The following KCNJ3 variants were observed in gnomAD, a reference collection of about 807,000 sequenced individuals.
KCNJ3 encodes the protein G protein-activated inward rectifier potassium channel 1.
A neutral mutation model predicts 39.2 loss-of-function variants in KCNJ3; 4 were observed. The ratio of observed to expected loss-of-function variants is 0.10; its 90% CI spans 0.05 to 0.23. KCNJ3 has a LOEUF of 0.23. Among genes scored for constraint, KCNJ3 ranks in the 10% least tolerant of loss-of-function variants. The pLI, the probability that KCNJ3 is intolerant of heterozygous loss-of-function variation, is 1.00. For synonymous variants in KCNJ3, 230 were observed against 237.4 expected, an observed-to-expected ratio of 0.97 and a Z score of 0.29; for missense variants, 276 against 634.9, an observed-to-expected ratio of 0.43 and a Z score of 6.08.
intron 1 of KCNJ3, among the ~76,000 whole-genome samples, chr2:154,708,510 C>A (rs1685051260): frequency 1.3e-5 from 2 of 152,106 alleles, no homozygotes; most frequent in Non-Finnish European, 2.9e-5. Flanking sequence ...TGTTAGAATA[C>A]AATGGATTCA....
intron 2 of KCNJ3, among the ~76,000 whole-genome samples, chr2:154,799,889 G>T (rs114407828): frequency 1.3e-5 from 2 of 152,090 alleles, no homozygotes; most frequent in Non-Finnish European, 2.9e-5. Flanking sequence ...GTCATAATTC[G>T]TAAGAAATTA....
intron 2 of KCNJ3, among the ~76,000 whole-genome samples, chr2:154,777,714 A>G (rs1442637350): frequency 1.3e-5 from 2 of 152,060 alleles, no homozygotes; most frequent in East Asian, 3.9e-4. Flanking sequence ...TTTGAAATGT[A>G]TTTCTTCAGT....
At chr2:154,725,814 G>A (rs373620882) in intron 2 of KCNJ3, among the ~76,000 whole-genome samples, 21 of 151,974 alleles carry the variant, frequency 1.4e-4, no homozygotes, top group African/African-American at 4.6e-4. Context: ...ACTTAGAGCC[G>A]ATTGATCTTT....
At chr2:154,705,336 A>G (rs1684985050) in intron 1 of KCNJ3, among the ~76,000 whole-genome samples, 1 of 152,156 alleles carries the variant, frequency 6.6e-6, no homozygotes, top group South Asian at 2.1e-4. Context: ...TCCTAGGATC[A>G]TGTATGTATA....
chr2:154,844,890 C>G (rs555104953), intron 2 of KCNJ3, among the ~76,000 whole-genome samples: 1 of 152,258 alleles, frequency 6.6e-6, no homozygotes, highest in Admixed American at 6.5e-5. Flanking sequence ...TCCCCAGACC[C>G]CTTGTGCTTC....
In KCNJ3 at chr2:154,829,763, AGTTT is replaced by A. The variant is rs557339702; in HGVS notation, c.920-24963_920-24960del. ...AACCTCACTAGCCTCTATTTTTGAC[AGTTT>A]ATTAATCAATAAGAAATACTAATAA... On this transcript the variant is annotated intron_variant, in intron 2 of 2. Transcript: ENST00000295101. 1.7e-3 allele frequency among the ~76,000 whole-genome samples: 258 copies of A among 152,220 alleles called. 1 individual carries two copies. The highest frequency in any genetic ancestry group is 6.0e-3 in the African/African-American group (249 of 41,572).
chr2:154,823,330 A>AAG (rs879407882), intron 2 of KCNJ3, among the ~76,000 whole-genome samples: 11 of 151,640 alleles, frequency 7.3e-5, no homozygotes, highest in African/African-American at 2.2e-4. Flanking sequence ...GGAGATGGAA[A>AAG]AGAGAGAGAG....
chr2:154,853,562 C>T (rs371640625), intron 2 of KCNJ3, among the ~76,000 whole-genome samples: 1 of 151,984 alleles, frequency 6.6e-6, no homozygotes, highest in African/African-American at 2.4e-5. Context: ...TAAAATTCAT[C>T]ATTATCTTAC....
At chr2:154,803,474 T>C (rs1288068800) in intron 2 of KCNJ3, among the ~76,000 whole-genome samples, 1 of 151,732 alleles carries the variant, frequency 6.6e-6, no homozygotes, top group East Asian at 1.9e-4. Flanking sequence ...CAATATATTA[T>C]ATTAATTTAT....
chr2:154,833,258 A>G (rs1307976421), intron 2 of KCNJ3, among the ~76,000 whole-genome samples: 13 of 152,244 alleles, frequency 8.5e-5, no homozygotes, highest in Non-Finnish European at 1.0e-4. Context: ...AAGAACAGAA[A>G]TAATGTGGCT....
chr2:154,811,076 A>G (rs974881253), intron 2 of KCNJ3, among the ~76,000 whole-genome samples: 1 of 152,132 alleles, frequency 6.6e-6, no homozygotes, highest in African/African-American at 2.4e-5. Flanking sequence ...TCACCTTCAT[A>G]TATTTATTAC....
intron 2 of KCNJ3, among the ~76,000 whole-genome samples, chr2:154,755,286 C>T (rs1456938636): frequency 1.3e-5 from 2 of 151,690 alleles, no homozygotes; most frequent in African/African-American, 2.4e-5. Context: ...ATTGATTAAC[C>T]GTATTTGTTT....
chr2:154,785,783 T>C (rs977472688), intron 2 of KCNJ3, among the ~76,000 whole-genome samples: 2 of 152,176 alleles, frequency 1.3e-5, no homozygotes, highest in Non-Finnish European at 2.9e-5. Flanking sequence ...TGCATTCAAA[T>C]TTCCCCTTCT....
chr2:154,728,159 T>C (rs1167676354), intron 2 of KCNJ3, among the ~76,000 whole-genome samples: 5 of 152,090 alleles, frequency 3.3e-5, no homozygotes. Context: ...CTCTATATCA[T>C]ATTGCATATG....
intron 2 of KCNJ3, among the ~76,000 whole-genome samples, chr2:154,822,943 TA>T (rs1441485332): frequency 5.3e-5 from 8 of 151,466 alleles, no homozygotes; most frequent in Non-Finnish European, 7.4e-5. Context: ...TATAAGTATA[TA>T]ATTACTATGT....
intron 2 of KCNJ3, among the ~76,000 whole-genome samples, chr2:154,739,468 T>A (rs1685606310): frequency 6.6e-6 from 1 of 152,092 alleles, no homozygotes; most frequent in African/African-American, 2.4e-5. Flanking sequence ...GGTTACTCTC[T>A]TTTTCTCGTC....
At chr2:154,756,860 A>G (rs1685946006) in intron 2 of KCNJ3, among the ~76,000 whole-genome samples, 1 of 152,064 alleles carries the variant, frequency 6.6e-6, no homozygotes, top group Admixed American at 6.6e-5. Flanking sequence ...CAAATTTACA[A>G]ATTTGACACC....
intron 2 of KCNJ3, among the ~76,000 whole-genome samples, chr2:154,738,976 T>G (rs999842981): frequency 5.3e-5 from 8 of 152,068 alleles, no homozygotes; most frequent in Non-Finnish European, 1.2e-4. Context: ...CACCCAAAGT[T>G]CTTACTTTGA....
At chr2:154,741,742 C>T (rs955867755) in intron 2 of KCNJ3, among the ~76,000 whole-genome samples, 1 of 151,710 alleles carries the variant, frequency 6.6e-6, no homozygotes, top group Non-Finnish European at 1.5e-5. Flanking sequence ...TTTGAAATGA[C>T]AGAGAAATAT....
Sources: gnomAD v4.1 joint callset for allele counts (sites outside exome capture counted in the v4.1 genomes callset) on GRCh38, gnomAD v4.1.1 for gene constraint, MANE v1.5 for transcripts, NCBI Gene and HGNC (gene_info 2026-07-23, HGNC 2026-07-21) for gene names.